Variants in PAFAH1B1 observed in about 807,000 individuals in gnomAD.
The protein encoded by PAFAH1B1 is platelet activating factor acetylhydrolase 1b regulatory subunit 1.
A neutral mutation model predicts 57.5 loss-of-function variants in PAFAH1B1; 2 were observed. The ratio of observed to expected loss-of-function variants is 0.03; its 90% CI spans 0.01 to 0.11. The LOEUF (loss-of-function observed/expected upper bound fraction) is 0.11. PAFAH1B1 is among the 10% of genes least tolerant of loss of function. The pLI is 1.00. For synonymous variants in PAFAH1B1, 152 were observed against 169.6 expected (o/e 0.90, Z 0.81); for missense variants, 257 against 512.0 (o/e 0.50, Z 4.81).
At chr17:2,652,293 T>C (rs1477184269) in intron 2 of PAFAH1B1, among the ~76,000 whole-genome samples, 2 of 151,582 alleles carry the variant, frequency 1.3e-5, no homozygotes, top group African/African-American at 2.4e-5. Flanking sequence ...CGGGTGCCTG[T>C]AGTCCCAGCT....
chr17:2,645,126 A>C (rs1280945151), intron 2 of PAFAH1B1, among the ~76,000 whole-genome samples: 1 of 152,098 alleles, frequency 6.6e-6, no homozygotes, highest in African/African-American at 2.4e-5. Flanking sequence ...AGGCACCTGT[A>C]ATCCCGGCTA....
intron 2 of PAFAH1B1, among the ~76,000 whole-genome samples, chr17:2,643,225 T>C (rs1184212896): frequency 6.6e-6 from 1 of 152,130 alleles, no homozygotes; most frequent in East Asian, 1.9e-4. Flanking sequence ...CCCGAGTAGC[T>C]GGGACTACAG....
At position 2,633,175 on chromosome 17, in the gene PAFAH1B1, C is replaced by CT. The variant is rs1235067252; in HGVS notation, c.-190-4912dup. On this transcript the variant is annotated intron_variant, in intron 1 of 10. Coordinates refer to ENST00000397195, the MANE Select transcript of PAFAH1B1 (RefSeq NM_000430.4). ...TTTTCTTTTTCTTTTTCTTTCTTTT[C>CT]TTTTTTTTTTTTGGAGCTGGAGTTT... 3.6e-3 allele frequency among the ~76,000 whole-genome samples: 507 copies of CT among 142,714 alleles called. 2 individuals are homozygous for CT. The highest frequency in any genetic ancestry group is 0.01 in the South Asian group (46 of 4,514). 93.6% of individuals were successfully genotyped at this position (142,714 alleles called of 152,430 possible).
intron 1 of PAFAH1B1, among the ~76,000 whole-genome samples, chr17:2,616,092 ATCTT>A (rs1312266864): frequency 6.6e-6 from 1 of 152,316 alleles, no homozygotes; most frequent in Admixed American, 6.5e-5. Flanking sequence ...TATTCAGCAC[ATCTT>A]TCTTGTTTGT....
chr17:2,667,901 A>G (rs914109883), intron 5 of PAFAH1B1, among the ~76,000 whole-genome samples: 2 of 151,974 alleles, frequency 1.3e-5, no homozygotes, highest in Non-Finnish European at 2.9e-5. Flanking sequence ...TCCGGACACA[A>G]TAAAATGACC....
chr17:2,663,535 G>A (rs2069049623), intron 2 of PAFAH1B1, among the ~76,000 whole-genome samples: 1 of 149,946 alleles, frequency 6.7e-6, no homozygotes, highest in Non-Finnish European at 1.5e-5. Flanking sequence ...TTACAGGTGT[G>A]AGCCACTGCC....
intron 1 of PAFAH1B1, among the ~76,000 whole-genome samples, chr17:2,598,371 T>C (rs1284141240): frequency 6.6e-6 from 1 of 152,212 alleles, no homozygotes; most frequent in African/African-American, 2.4e-5. Flanking sequence ...AGTCATGCGC[T>C]CTTTTGCCAA....
intron 2 of PAFAH1B1, among the ~76,000 whole-genome samples, chr17:2,663,766 C>T (rs1048946679): frequency 2.0e-5 from 3 of 150,692 alleles, no homozygotes; most frequent in Non-Finnish European, 4.4e-5. Context: ...GGTGCAGTCT[C>T]AGCTCACTGC....
intron 1 of PAFAH1B1, among the ~76,000 whole-genome samples, chr17:2,614,270 C>T (rs1321553311): frequency 6.6e-6 from 1 of 151,998 alleles, no homozygotes; most frequent in Non-Finnish European, 1.5e-5. Context: ...TCAAGGGATC[C>T]TCATGCCTCA....
In PAFAH1B1 at chr17:2,638,181, G is replaced by C; in HGVS notation, c.-108G>C. On this transcript the variant is annotated 5_prime_UTR_variant, in exon 2 of 11. Coordinates refer to ENST00000397195, the MANE Select transcript of PAFAH1B1 (RefSeq NM_000430.4). ...AAGAATCATTTTCCCCTGTGTGGAA[G>C]ACACTTAGTGGCATATTTAAATTAT... The C allele has an allele frequency of 1.3e-6, 1 of 788,542 alleles. No individual in the cohort carries two copies. Among genetic ancestry groups the C allele is most frequent in the Non-Finnish European group, 2.2e-6 (1 of 463,054 alleles). The allele number at this position is 788,542 out of a possible 1,614,324, so 48.8% of individuals were successfully genotyped here. A position where few individuals can be genotyped will look rare whatever the true frequency, so the allele number is the denominator to read the frequency against.
intron 2 of PAFAH1B1, among the ~76,000 whole-genome samples, chr17:2,643,654 G>A (rs1428633622): frequency 6.6e-6 from 1 of 151,816 alleles, no homozygotes; most frequent in Non-Finnish European, 1.5e-5. Context: ...CTGCCTCCTG[G>A]GTTCAAGTGA....
chr17:2,632,231 A>G (rs981167927), intron 1 of PAFAH1B1, among the ~76,000 whole-genome samples: 3 of 152,200 alleles, frequency 2.0e-5, no homozygotes, highest in Non-Finnish European at 4.4e-5. Flanking sequence ...ACTCAGCCTC[A>G]TTGTGTATTT....
Position 2,684,044 on chromosome 17 carries a change from CAAAG to C in PAFAH1B1, c.*2243_*2246del. 1 of 152,742 alleles carries C rather than the reference CAAAG, an allele frequency of 6.5e-6. No homozygotes were observed. Among genetic ancestry groups the C allele is most frequent in the Non-Finnish European group, 1.5e-5 (1 of 68,044 alleles). 9.5% of individuals were successfully genotyped at this position (152,742 alleles called of 1,614,324 possible). A position where few individuals can be genotyped will look rare whatever the true frequency, so the allele number is the denominator to read the frequency against. ...TGCAGCACACAGCGACTTGCGTTGACAAAGGAGGAGGAAACGATTACTCTGTAAA... is the reference window on the plus strand; with the variant it reads ...TGCAGCACACAGCGACTTGCGTTGACGAGGAGGAAACGATTACTCTGTAAA... On this transcript the variant is annotated 3_prime_UTR_variant, in exon 11 of 11. Transcript: ENST00000397195.
In PAFAH1B1 at chr17:2,681,837, T is replaced by A; in HGVS notation, c.*35T>A. 1 of 1,478,230 alleles carries A rather than the reference T, an allele frequency of 6.8e-7. No individual in the cohort carries two copies. The highest frequency in any genetic ancestry group is 9.4e-7 in the Non-Finnish European group (1 of 1,059,276). 91.6% of individuals were successfully genotyped at this position (1,478,230 alleles called of 1,614,324 possible). A position where few individuals can be genotyped will look rare whatever the true frequency, so the allele number is the denominator to read the frequency against. ...CTTCGGCCCCTCCTCCCTCTTTTCCTCTGGATGCACTCTGATGATACCATG... is the reference window on the plus strand; with the variant it reads ...CTTCGGCCCCTCCTCCCTCTTTTCCACTGGATGCACTCTGATGATACCATG... On this transcript the variant is annotated 3_prime_UTR_variant, in exon 11 of 11. Coordinates refer to ENST00000397195, the MANE Select transcript of PAFAH1B1 (RefSeq NM_000430.4).
intron 2 of PAFAH1B1, among the ~76,000 whole-genome samples, chr17:2,664,645 T>C (rs1420759004): frequency 6.8e-6 from 1 of 147,832 alleles, no homozygotes; most frequent in East Asian, 2.0e-4. Context: ...CTTTGTGATA[T>C]ATATCTATAT....
At chr17:2,638,512 T>G (rs2068652629) in intron 2 of PAFAH1B1, 192 bp downstream of exon 2, 1 of 551,898 alleles carries the variant, frequency 1.8e-6, no homozygotes, top group African/African-American at 1.9e-5. Flanking sequence ...TAAAATTTAT[T>G]TATTCTTTCT....
chr17:2,620,630 G>A (rs973215271), intron 1 of PAFAH1B1, among the ~76,000 whole-genome samples: 9 of 152,140 alleles, frequency 5.9e-5, no homozygotes, highest in Admixed American at 1.3e-4. Context: ...TTGGGAGGCC[G>A]AGGTCGGTAG....
chr17:2,672,284 A>AC (rs1324561844), intron 6 of PAFAH1B1, among the ~76,000 whole-genome samples: 6 of 106,424 alleles, frequency 5.6e-5, no homozygotes, highest in Admixed American at 2.1e-4. Context: ...TCCTTGCCTC[A>AC]CAAAAAAAAA....
At position 2,685,473 on chromosome 17, in the gene PAFAH1B1, A is replaced by G. The variant is rs566024996; in HGVS notation, c.*3671A>G. ...TGACACAATTTTAAAAAATCAGTAA[A>G]GGAATGTATATAATATTGCTCTCGT... On this transcript the variant is annotated 3_prime_UTR_variant, in exon 11 of 11. Coordinates refer to ENST00000397195, the MANE Select transcript of PAFAH1B1 (RefSeq NM_000430.4). 6.5e-6 allele frequency: 1 copy of G among 152,764 alleles called. No homozygotes were observed. The highest frequency in any genetic ancestry group is 1.9e-4 in the East Asian group (1 of 5,192). 9.5% of individuals were successfully genotyped at this position (152,764 alleles called of 1,614,324 possible).
Sources: allele counts gnomAD v4.1 joint callset (sites outside exome capture counted in the v4.1 genomes callset), GRCh38; gene constraint gnomAD v4.1.1; transcripts MANE v1.5; gene names NCBI Gene and HGNC (gene_info 2026-07-23, HGNC 2026-07-21).